The following VPS13B variants were observed in gnomAD, a reference collection of about 807,000 sequenced individuals.
VPS13B encodes intermembrane lipid transfer protein VPS13B.
VPS13B carries 285 observed loss-of-function variants against 426.4 expected under a neutral mutation model. That is an observed-to-expected ratio of 0.67 (90% CI 0.61 to 0.74). The LOEUF (loss-of-function observed/expected upper bound fraction) is 0.74. VPS13B is among the 30% of genes least tolerant of loss of function. The pLI, the probability that VPS13B is intolerant of heterozygous loss-of-function variation, is 0.00. For synonymous variants in VPS13B, 1,676 were observed against 1,676.4 expected (o/e 1.00, Z 0.01); for missense variants, 4,537 against 4,782.6 (o/e 0.95, Z 1.51).
At chr8:99,606,084 C>A (rs1018218560) in intron 33 of VPS13B, among the ~76,000 whole-genome samples, 2 of 151,160 alleles carry the variant, frequency 1.3e-5, no homozygotes, top group Non-Finnish European at 3.0e-5. Flanking sequence ...TTTTTTTTTT[C>A]GGTAGATACG....
At chr8:99,658,526 A>G (rs916280570) in intron 34 of VPS13B, among the ~76,000 whole-genome samples, 15 of 151,892 alleles carry the variant, frequency 9.9e-5, no homozygotes, top group African/African-American at 1.5e-4. Flanking sequence ...TATACAGATT[A>G]TTTATTTATT....
At chr8:99,781,414 T>A (rs1812014988) in intron 42 of VPS13B, among the ~76,000 whole-genome samples, 1 of 152,198 alleles carries the variant, frequency 6.6e-6, no homozygotes, top group Non-Finnish European at 1.5e-5. Flanking sequence ...CCATGAAACT[T>A]AAATGTGGAT....
In VPS13B at chr8:99,475,524, T is replaced by C. The variant is rs528464077; in HGVS notation, c.3667-6075T>C. On this transcript the variant is annotated intron_variant, in intron 24 of 61. Coordinates refer to ENST00000357162, the MANE Select transcript of VPS13B (RefSeq NM_152564.5). ...TTATTCATATTTTTAAAATTTTCTT[T>C]ACTTTGAGATACTTAATAGTTTTGT... Among the ~76,000 whole-genome samples, 46 of 152,336 alleles carry C rather than the reference T, an allele frequency of 3.0e-4. 1 individual carries two copies. The Middle Eastern group carries it at 0.031, about 101-fold the overall frequency.
chr8:99,647,887 A>C (rs921853497), intron 34 of VPS13B, among the ~76,000 whole-genome samples: 1 of 152,196 alleles, frequency 6.6e-6, no homozygotes, highest in East Asian at 1.9e-4. Flanking sequence ...ACATTAAATT[A>C]TGAAGATTTG....
chr8:99,106,809 A>G (rs1847073538), intron 5 of VPS13B, among the ~76,000 whole-genome samples: 1 of 152,188 alleles, frequency 6.6e-6, no homozygotes, highest in Non-Finnish European at 1.5e-5. Flanking sequence ...CTCCCTGCAC[A>G]ATCAGGTGAG....
intron 2 of VPS13B, among the ~76,000 whole-genome samples, chr8:99,027,473 A>T (rs565494431): frequency 5.9e-5 from 9 of 151,668 alleles, no homozygotes; most frequent in Non-Finnish European, 1.2e-4. Context: ...TGTTTTCATG[A>T]TGGTAGTTAT....
chr8:99,767,009 GA>G, intron 40 of VPS13B, 39 bp downstream of exon 40: 1 of 1,596,760 alleles, frequency 6.3e-7, no homozygotes, highest in South Asian at 1.1e-5. Flanking sequence ...ATTACACTGG[GA>G]AACAATGATA....
intron 30 of VPS13B, among the ~76,000 whole-genome samples, chr8:99,549,210 G>C (rs1446238921): frequency 2.0e-5 from 3 of 152,098 alleles, no homozygotes; most frequent in East Asian, 3.9e-4. Context: ...CCAGCATACT[G>C]TTAAAACACT....
chr8:99,595,409 T>A (rs980688334), intron 33 of VPS13B, among the ~76,000 whole-genome samples: 3 of 151,922 alleles, frequency 2.0e-5, no homozygotes, highest in African/African-American at 7.3e-5. Flanking sequence ...AATGCTAGGA[T>A]GACTGGATAT....
At chr8:99,532,133 A>C (rs542529603) in intron 30 of VPS13B, among the ~76,000 whole-genome samples, 1 of 152,166 alleles carries the variant, frequency 6.6e-6, no homozygotes, top group East Asian at 1.9e-4. Flanking sequence ...TGTTCATGCC[A>C]TGAATATTTC....
chr8:99,799,509 T>C (rs1439727492), intron 43 of VPS13B, among the ~76,000 whole-genome samples: 1 of 152,214 alleles, frequency 6.6e-6, no homozygotes, highest in African/African-American at 2.4e-5. Flanking sequence ...ATACTTTATT[T>C]AACCTTTACA....
chr8:99,043,960 A>C (rs1186033933), intron 3 of VPS13B, among the ~76,000 whole-genome samples: 1 of 151,756 alleles, frequency 6.6e-6, no homozygotes, highest in African/African-American at 2.4e-5. Flanking sequence ...GCACTTTGCT[A>C]TCATTTAAAG....
At chr8:99,037,897 C>T (rs771064650) in intron 2 of VPS13B, among the ~76,000 whole-genome samples, 43 of 150,060 alleles carry the variant, frequency 2.9e-4, no homozygotes, top group Non-Finnish European at 2.5e-4. Context: ...TTCAAATCTC[C>T]AATTGAGCTC....
At chr8:99,670,016 C>G (rs12679858) in intron 35 of VPS13B, among the ~76,000 whole-genome samples, 1 of 152,114 alleles carries the variant, frequency 6.6e-6, no homozygotes, top group East Asian at 1.9e-4. Context: ...AGTAACACAG[C>G]ATTCAAATAG....
intron 33 of VPS13B, among the ~76,000 whole-genome samples, chr8:99,618,341 A>G (rs1362229294): frequency 6.6e-6 from 1 of 152,122 alleles, no homozygotes; most frequent in African/African-American, 2.4e-5. Flanking sequence ...AGGAGTTTTC[A>G]GGTTTAGAAA....
chr8:99,598,356 G>A (rs1275945879), intron 33 of VPS13B, among the ~76,000 whole-genome samples: 3 of 152,044 alleles, frequency 2.0e-5, no homozygotes, highest in African/African-American at 4.8e-5. Context: ...TCTGTACTAT[G>A]TAGTATCACC....
intron 39 of VPS13B, among the ~76,000 whole-genome samples, chr8:99,734,250 T>C (rs568157094): frequency 6.6e-6 from 1 of 152,342 alleles, no homozygotes; most frequent in East Asian, 1.9e-4. Flanking sequence ...ATATACCACA[T>C]TTTGCTTATC....
chr8:99,164,775 TCTGACTC>T (rs1166914110), intron 15 of VPS13B, among the ~76,000 whole-genome samples: 1 of 152,196 alleles, frequency 6.6e-6, no homozygotes, highest in Non-Finnish European at 1.5e-5. Context: ...CCTCTTTCTC[TCTGACTC>T]CTTTTCTTTG....
intron 24 of VPS13B, among the ~76,000 whole-genome samples, chr8:99,478,185 C>T (rs1178020864): frequency 1.3e-5 from 2 of 148,218 alleles, no homozygotes; most frequent in Non-Finnish European, 3.0e-5. Flanking sequence ...ACATTGTTTT[C>T]TTATAGGCAT....
Sources: gnomAD v4.1 joint callset for allele counts (sites outside exome capture counted in the v4.1 genomes callset) on GRCh38, gnomAD v4.1.1 for gene constraint, MANE v1.5 for transcripts, NCBI Gene and HGNC (gene_info 2026-07-23, HGNC 2026-07-21) for gene names.